Variants in TBC1D4 observed in about 807,000 individuals in gnomAD.
TBC1D4 encodes TBC (Tre-2, BUB2, CDC16) domain-containing protein.
Under a neutral mutation model 142.5 loss-of-function variants are expected in TBC1D4, and 121 were observed. The observed-to-expected ratio is 0.85, with a 90% CI of 0.73 to 0.99. The LOEUF (loss-of-function observed/expected upper bound fraction) is 0.99, where lower values mean the gene tolerates loss of function less well. TBC1D4 is among the 50% of genes least tolerant of loss of function. TBC1D4 has a pLI of 0.00. For synonymous variants in TBC1D4, 630 were observed against 628.2 expected, an observed-to-expected ratio of 1.00 and a Z score of -0.04; for missense variants, 1,475 against 1,606.6, an observed-to-expected ratio of 0.92 and a Z score of 1.40.
At chr13:75,390,753 A>G (rs1227840056) in intron 1 of TBC1D4, among the ~76,000 whole-genome samples, 1 of 151,630 alleles carries the variant, frequency 6.6e-6, no homozygotes, top group Non-Finnish European at 1.5e-5. Flanking sequence ...GTCAAAAGAG[A>G]AAAACCTCAT....
At chr13:75,332,102 A>C (rs1879798584) in intron 8 of TBC1D4, among the ~76,000 whole-genome samples, 2 of 152,216 alleles carry the variant, frequency 1.3e-5, no homozygotes, top group Admixed American at 6.5e-5. Flanking sequence ...GAAGGCATGC[A>C]AAAAAGACTT....
At chr13:75,402,645 T>C (rs958769943) in intron 1 of TBC1D4, among the ~76,000 whole-genome samples, 7 of 125,144 alleles carry the variant, frequency 5.6e-5, no homozygotes, top group Non-Finnish European at 1.2e-4. Flanking sequence ...TGGTCTTCCA[T>C]CCCTAGTAAA....
At chr13:75,427,233 G>A (rs1886412767) in intron 1 of TBC1D4, among the ~76,000 whole-genome samples, 2 of 152,156 alleles carry the variant, frequency 1.3e-5, no homozygotes, top group South Asian at 2.1e-4. Context: ...AGCTACAGGC[G>A]CCCCTCACCG....
intron 1 of TBC1D4, among the ~76,000 whole-genome samples, chr13:75,441,398 T>C (rs2138199323): frequency 6.6e-6 from 1 of 152,160 alleles, no homozygotes; most frequent in East Asian, 1.9e-4. Context: ...AACCATATCT[T>C]CAAGAATAGG....
At chr13:75,406,266 A>C (rs1378175099) in intron 1 of TBC1D4, among the ~76,000 whole-genome samples, 1 of 152,236 alleles carries the variant, frequency 6.6e-6, no homozygotes, top group Non-Finnish European at 1.5e-5. Flanking sequence ...CTCAGAAAGT[A>C]AACACTGGAT....
intron 1 of TBC1D4, among the ~76,000 whole-genome samples, chr13:75,432,414 G>A (rs17064454): frequency 0.04 from 6,090 of 152,218 alleles, 154 homozygotes; most frequent in Non-Finnish European, 0.048. Flanking sequence ...ACAAAACAAC[G>A]ATGTCCATGA....
Position 75,482,006 on chromosome 13 carries a change from G to T in TBC1D4, c.-239C>A. ...GGCAAGCGCCCGGCAGGCGAGGGCG[G>T]GTTAAATGGGCATCCTCCTCCTTGG... On this transcript the variant is annotated 5_prime_UTR_variant, in exon 1 of 21. Coordinates refer to ENST00000377636, the MANE Select transcript of TBC1D4 (RefSeq NM_014832.5). 1 of 444,162 alleles carries T rather than the reference G, an allele frequency of 2.3e-6. No individual in the cohort carries two copies. The highest frequency in any genetic ancestry group is 3.7e-6 in the Non-Finnish European group (1 of 269,030). The allele number at this position is 444,162 out of a possible 1,614,324, so 27.5% of individuals were successfully genotyped here. A position where few individuals can be genotyped will look rare whatever the true frequency, so the allele number is the denominator to read the frequency against.
chr13:75,444,865 A>G (rs1887208328), intron 1 of TBC1D4, among the ~76,000 whole-genome samples: 4 of 152,212 alleles, frequency 2.6e-5, no homozygotes, highest in Admixed American at 2.6e-4. Flanking sequence ...TTTTATTTCA[A>G]TATTGGAAAA....
At position 75,383,073 on chromosome 13, in the gene TBC1D4, A is replaced by C. The variant is rs9573534; in HGVS notation, c.499-20466T>G. ...ACAGAGGCTCACGCCCATAATCCCA[A>C]CATATCGGGAGGCAGAGGCAGGCGG... On this transcript the variant is annotated intron_variant, in intron 1 of 20. Coordinates refer to ENST00000377636, the MANE Select transcript of TBC1D4 (RefSeq NM_014832.5). Among the ~76,000 whole-genome samples the C allele has an allele frequency of 3.3e-5, 5 of 152,324 alleles. No individual in the cohort carries two copies. The East Asian group carries it at 9.7e-4, about 29-fold the overall frequency.
chr13:75,444,429 T>C (rs988956835), intron 1 of TBC1D4, among the ~76,000 whole-genome samples: 1 of 152,226 alleles, frequency 6.6e-6, no homozygotes, highest in African/African-American at 2.4e-5. Context: ...TCCTGGCCTC[T>C]AACTCTTTAG....
At chr13:75,356,296 T>C (rs1052564389) in intron 3 of TBC1D4, 45 bp from the exon 4 acceptor site, 1 of 1,314,236 alleles carries the variant, frequency 7.6e-7, no homozygotes, top group Non-Finnish European at 1.1e-6. Context: ...TGGGAATATA[T>C]ATTTTTTACT....
chr13:75,435,857 T>C (rs1484552624), intron 1 of TBC1D4, among the ~76,000 whole-genome samples: 2 of 152,260 alleles, frequency 1.3e-5, no homozygotes, highest in East Asian at 3.9e-4. Flanking sequence ...ACTGGCAAAC[T>C]CTGGGAAATA....
At chr13:75,392,424 A>C (rs1240591149) in intron 1 of TBC1D4, among the ~76,000 whole-genome samples, 1 of 152,186 alleles carries the variant, frequency 6.6e-6, no homozygotes, top group East Asian at 1.9e-4. Context: ...CTCACAGCAG[A>C]CAATCCACTT....
intron 1 of TBC1D4, among the ~76,000 whole-genome samples, chr13:75,400,626 T>A (rs571087704): frequency 9.3e-3 from 307 of 33,162 alleles, no homozygotes; most frequent in African/African-American, 0.021. Flanking sequence ...CCCAGCTAAT[T>A]TTTTGTATTT....
chr13:75,328,889 T>C (rs1350330349), intron 8 of TBC1D4, among the ~76,000 whole-genome samples: 1 of 152,158 alleles, frequency 6.6e-6, no homozygotes, highest in Non-Finnish European at 1.5e-5. Flanking sequence ...AACTGTGCTA[T>C]CAAGTTTATA....
intron 1 of TBC1D4, among the ~76,000 whole-genome samples, chr13:75,407,193 T>C (rs1482795375): frequency 1.3e-5 from 2 of 152,186 alleles, no homozygotes; most frequent in African/African-American, 2.4e-5. Flanking sequence ...CACATCTACG[T>C]TCAACAAACT....
chr13:75,298,715 T>C (rs1010312001), intron 17 of TBC1D4, among the ~76,000 whole-genome samples: 1 of 152,088 alleles, frequency 6.6e-6, no homozygotes, highest in South Asian at 2.1e-4. Flanking sequence ...ATCGTGCCAC[T>C]GCACTCCAGC....
rs372265737 is a variant in TBC1D4 at position 75,336,874 on chromosome 13, A to G, written c.1731+47T>C. On this transcript the variant is annotated intron_variant, in intron 8 of 20. Transcript: ENST00000377636. ...CTGTTGAGACTGAAGCTAAACTGTTAGAAAACACAGATATGCATACTTGAA... is the reference window on the plus strand; with the variant it reads ...CTGTTGAGACTGAAGCTAAACTGTTGGAAAACACAGATATGCATACTTGAA... 214 of 1,611,828 alleles carry G rather than the reference A, an allele frequency of 1.3e-4. 1 individual carries two copies. The African/African-American group carries it at 2.5e-3, about 19-fold the overall frequency.
chr13:75,315,709 A>G (rs933621591), intron 12 of TBC1D4, among the ~76,000 whole-genome samples: 1 of 152,186 alleles, frequency 6.6e-6, no homozygotes. Flanking sequence ...ACTAAATGAA[A>G]TATTAACTCA....
Sources: allele counts gnomAD v4.1 joint callset (sites outside exome capture counted in the v4.1 genomes callset), GRCh38; gene constraint gnomAD v4.1.1; transcripts MANE v1.5; gene names NCBI Gene and HGNC (gene_info 2026-07-23, HGNC 2026-07-21).